Variants in CNTN4 observed in about 807,000 individuals in gnomAD.
The protein encoded by CNTN4 is contactin-4.
In CNTN4, 77 loss-of-function variants were observed where a neutral mutation model predicts 122.5. The observed-to-expected ratio is 0.63, with a 90% CI of 0.52 to 0.76. The LOEUF is 0.76. Among genes scored for constraint, CNTN4 ranks in the 30% least tolerant of loss-of-function variants. The pLI is 0.00. For missense variants in CNTN4, 1,256 were observed against 1,259.1 expected, an observed-to-expected ratio of 1.00 and a Z score of 0.04; for synonymous variants, 512 against 447.0, an observed-to-expected ratio of 1.15 and a Z score of -1.83.
At chr3:2,488,542 C>T (rs1454953369) in intron 3 of CNTN4, among the ~76,000 whole-genome samples, 2 of 152,128 alleles carry the variant, frequency 1.3e-5, no homozygotes, top group Non-Finnish European at 2.9e-5. Flanking sequence ...CTCCAGCCAC[C>T]TGTGACCCTG....
At chr3:2,382,167 C>T (rs2046049393) in intron 3 of CNTN4, among the ~76,000 whole-genome samples, 4 of 148,078 alleles carry the variant, frequency 2.7e-5, no homozygotes, top group Admixed American at 2.0e-4. Context: ...TTCTTCCTAT[C>T]GTGATTTTTT....
chr3:2,254,889 A>G lies in CNTN4; in HGVS notation c.-144-84289A>G, dbSNP rs181774668. ...TGCTGTGAGGAAGCTCTTTAGTTTA[A>G]TTAGATCCCATTTGTCCATCTTGGC... is the stretch of plus-strand genomic sequence containing the variant. On this transcript the variant is annotated intron_variant, in intron 2 of 24. Coordinates refer to ENST00000418658, the MANE Select transcript of CNTN4 (RefSeq NM_175607.3). Among the ~76,000 whole-genome samples the G allele has an allele frequency of 1.2e-3, 180 of 152,232 alleles. 2 individuals are homozygous for G. Among genetic ancestry groups the G allele is most frequent in the African/African-American group, 4.2e-3 (173 of 41,540 alleles).
At position 2,554,835 on chromosome 3, in the gene CNTN4, A is replaced by G. The variant is rs1030308847; in HGVS notation, c.-88-16581A>G. Among the ~76,000 whole-genome samples the G allele has an allele frequency of 3.3e-5, 5 of 152,328 alleles. No individual in the cohort carries two copies. The East Asian group carries it at 9.6e-4, about 29-fold the overall frequency. ...CTCATAGTTTCCTAGTCGTTGCTAAACATGACAGGGGCCCCAAATGAGGTC... is the reference window on the plus strand; with the variant it reads ...CTCATAGTTTCCTAGTCGTTGCTAAGCATGACAGGGGCCCCAAATGAGGTC... On this transcript the variant is annotated intron_variant, in intron 3 of 24. Coordinates refer to ENST00000418658, the MANE Select transcript of CNTN4 (RefSeq NM_175607.3).
chr3:2,507,905 A>G (rs566648846), intron 3 of CNTN4, among the ~76,000 whole-genome samples: 1 of 151,934 alleles, frequency 6.6e-6, no homozygotes, highest in South Asian at 2.1e-4. Context: ...ACCCCCTCAA[A>G]TTTTTTGCTA....
At chr3:3,006,136 A>G (rs2125448902) in intron 14 of CNTN4, among the ~76,000 whole-genome samples, 1 of 152,128 alleles carries the variant, frequency 6.6e-6, no homozygotes, top group Admixed American at 6.5e-5. Flanking sequence ...TCGGCCTCCC[A>G]AGGTGCTGGG....
In CNTN4 at chr3:2,385,644, G is replaced by C. The variant is rs2046224810; in HGVS notation, c.-89+46411G>C. 2.6e-5 allele frequency among the ~76,000 whole-genome samples: 4 copies of C among 151,978 alleles called. 1 individual carries two copies. The South Asian group carries it at 6.2e-4, about 24-fold the overall frequency. On this transcript the variant is annotated intron_variant, in intron 3 of 24. Coordinates refer to ENST00000418658, the MANE Select transcript of CNTN4 (RefSeq NM_175607.3). This position sits in a 1 kb window ranked among gnomAD's most constrained non-coding sequence, Gnocchi z 4.0. ...AGCCCCAGTTGTTCTGCAGCTTGTGGGAGCATAACTCCAAGCTCATCTCTC... is the reference window on the plus strand; with the variant it reads ...AGCCCCAGTTGTTCTGCAGCTTGTGCGAGCATAACTCCAAGCTCATCTCTC...
At chr3:2,534,278 T>C (rs1267494532) in intron 3 of CNTN4, among the ~76,000 whole-genome samples, 1 of 152,222 alleles carries the variant, frequency 6.6e-6, no homozygotes, top group African/African-American at 2.4e-5. Flanking sequence ...GAATTAATTT[T>C]TGTATAAGTT....
chr3:2,434,692 G>A (rs2048196914), intron 3 of CNTN4, among the ~76,000 whole-genome samples: 1 of 152,144 alleles, frequency 6.6e-6, no homozygotes, highest in Admixed American at 6.6e-5. Flanking sequence ...TATATTGGAG[G>A]TGTGAGTAGC....
intron 14 of CNTN4, among the ~76,000 whole-genome samples, chr3:3,006,372 T>C (rs1696650749): frequency 6.6e-6 from 1 of 152,144 alleles, no homozygotes; most frequent in African/African-American, 2.4e-5. Context: ...AATGAATTAA[T>C]GAAAGGACCA....
intron 2 of CNTN4, among the ~76,000 whole-genome samples, chr3:2,307,445 A>C (rs1362232941): frequency 6.6e-6 from 1 of 152,054 alleles, no homozygotes; most frequent in East Asian, 1.9e-4. Flanking sequence ...AAAAAAAAAA[A>C]AAAAAATAGC....
At chr3:2,120,731 ACT>A (rs2033715336) in intron 2 of CNTN4, among the ~76,000 whole-genome samples, 1 of 151,824 alleles carries the variant, frequency 6.6e-6, no homozygotes, top group South Asian at 2.1e-4. Context: ...TATGCATGTG[ACT>A]CTCACGAGTG....
intron 13 of CNTN4, among the ~76,000 whole-genome samples, chr3:2,950,970 G>C (rs1373449348): frequency 6.6e-6 from 1 of 152,168 alleles, no homozygotes; most frequent in Non-Finnish European, 1.5e-5. Flanking sequence ...ATACATATAT[G>C]ATGAATGAAT....
At chr3:2,911,113 G>A (rs142324376) in intron 12 of CNTN4, among the ~76,000 whole-genome samples, 1,554 of 150,810 alleles carry the variant, frequency 0.01, 100 homozygotes, top group Admixed American at 0.09. Flanking sequence ...TGAGGGGGAA[G>A]TACTACCTAA....
At chr3:3,027,133 T>C (rs1217240876) in intron 15 of CNTN4, among the ~76,000 whole-genome samples, 1 of 152,170 alleles carries the variant, frequency 6.6e-6, no homozygotes, top group Non-Finnish European at 1.5e-5. Context: ...CCATGTGATA[T>C]AGTGAGAGCA....
intron 2 of CNTN4, among the ~76,000 whole-genome samples, chr3:2,223,471 T>C (rs1205875390): frequency 6.6e-6 from 1 of 152,214 alleles, no homozygotes; most frequent in East Asian, 1.9e-4. Flanking sequence ...ATTTTTAGAA[T>C]ATCAAGGACC....
intron 3 of CNTN4, among the ~76,000 whole-genome samples, chr3:2,377,512 T>A (rs1360961998): frequency 2.6e-5 from 4 of 152,164 alleles, no homozygotes; most frequent in African/African-American, 9.7e-5. Flanking sequence ...ACAGGAAAGG[T>A]CAAATAGGTT....
intron 3 of CNTN4, among the ~76,000 whole-genome samples, chr3:2,553,045 T>A (rs890527340): frequency 6.6e-6 from 1 of 152,214 alleles, no homozygotes; most frequent in African/African-American, 2.4e-5. Context: ...GAGACCAGTG[T>A]ATCAACTCAC....
At chr3:2,126,679 G>A (rs1276523283) in intron 2 of CNTN4, among the ~76,000 whole-genome samples, 2 of 152,180 alleles carry the variant, frequency 1.3e-5, no homozygotes, top group Non-Finnish European at 2.9e-5. Flanking sequence ...GTATGGCAAA[G>A]TTGAGAGGGG....
At chr3:2,903,170 A>G (rs1057063863) in intron 12 of CNTN4, among the ~76,000 whole-genome samples, 165 bp downstream of exon 12, 4 of 152,336 alleles carry the variant, frequency 2.6e-5, no homozygotes, top group African/African-American at 9.6e-5. Flanking sequence ...TATAAACAAT[A>G]ACAAGAGAAC....
Sources: allele counts gnomAD v4.1 joint callset (sites outside exome capture counted in the v4.1 genomes callset), GRCh38; gene constraint gnomAD v4.1.1; non-coding constraint Gnocchi (gnomAD v3.1); transcripts MANE v1.5; gene names NCBI Gene and HGNC (gene_info 2026-07-23, HGNC 2026-07-21).